Variants in GMDS observed in about 807,000 individuals in gnomAD.
GMDS encodes the protein GDP-mannose 4,6-dehydratase.
In GMDS, 20 loss-of-function variants were observed where a neutral mutation model predicts 49.9. The ratio of observed to expected loss-of-function variants is 0.40; its 90% CI spans 0.28 to 0.58. The LOEUF (loss-of-function observed/expected upper bound fraction) is 0.58, where lower values mean the gene tolerates loss of function less well. Among genes scored for constraint, GMDS ranks in the 20% least tolerant of loss-of-function variants. The pLI, the probability that GMDS is intolerant of heterozygous loss-of-function variation, is 0.42. For missense variants in GMDS, 362 were observed against 481.4 expected, an observed-to-expected ratio of 0.75 and a Z score of 2.32; for synonymous variants, 177 against 178.6, an observed-to-expected ratio of 0.99 and a Z score of 0.07.
intron 9 of GMDS, among the ~76,000 whole-genome samples, chr6:1,630,552 C>T (rs75735315): frequency 0.051 from 7,830 of 152,300 alleles, 266 homozygotes; most frequent in Admixed American, 0.1. Flanking sequence ...GCCAGCTGAG[C>T]AGAGGAAAGC....
At chr6:2,019,464 C>T (rs2127404114) in intron 4 of GMDS, among the ~76,000 whole-genome samples, 1 of 151,976 alleles carries the variant, frequency 6.6e-6, no homozygotes, top group East Asian at 1.9e-4. Flanking sequence ...TTTCAGGTTG[C>T]AGAAGTTCTC....
chr6:2,081,526 G>T (rs1772695359), intron 4 of GMDS, among the ~76,000 whole-genome samples: 1 of 151,996 alleles, frequency 6.6e-6, no homozygotes, highest in Non-Finnish European at 1.5e-5. Flanking sequence ...CTCATCATTT[G>T]AACTTACATT....
chr6:1,802,699 G>A (rs1769998735), intron 7 of GMDS, among the ~76,000 whole-genome samples: 1 of 152,206 alleles, frequency 6.6e-6, no homozygotes, highest in South Asian at 2.1e-4. Flanking sequence ...TGTTATGCGG[G>A]GAGGAGGGGG....
chr6:1,627,520 C>A (rs1762880092), intron 9 of GMDS, among the ~76,000 whole-genome samples: 1 of 152,198 alleles, frequency 6.6e-6, no homozygotes, highest in African/African-American at 2.4e-5. Context: ...TCCCTTTAAT[C>A]TTTACCTCCC....
At chr6:1,667,298 G>A (rs962646311) in intron 9 of GMDS, among the ~76,000 whole-genome samples, 1 of 152,112 alleles carries the variant, frequency 6.6e-6, no homozygotes, top group African/African-American at 2.4e-5. Flanking sequence ...ATCATAGCAG[G>A]CAAAATGCAG....
At chr6:1,691,408 C>G (rs1262351817) in intron 9 of GMDS, among the ~76,000 whole-genome samples, 1 of 152,038 alleles carries the variant, frequency 6.6e-6, no homozygotes, top group Admixed American at 6.6e-5. Context: ...TGCATGCTGG[C>G]CTTAATACTT....
At chr6:1,737,859 GCA>G (rs1767082622) in intron 8 of GMDS, among the ~76,000 whole-genome samples, 2 of 105,504 alleles carry the variant, frequency 1.9e-5, no homozygotes, top group East Asian at 6.0e-4. Flanking sequence ...GCACAGATAT[GCA>G]CACATACACA....
chr6:1,969,089 A>G lies in GMDS; in HGVS notation c.346-8123T>C, dbSNP rs1026843039. Among the ~76,000 whole-genome samples, 45 of 151,686 alleles carry G rather than the reference A, an allele frequency of 3.0e-4. No individual in the cohort carries two copies. In the South Asian group the frequency reaches 4.4e-3, roughly 15 times the overall value. On this transcript the variant is annotated intron_variant, in intron 4 of 10. Transcript: ENST00000380815. ...ATCCTGGCTAACACGGTGAAACCCC[A>G]TCTCTACTAAAAATACAAAAAAATT...
chr6:1,960,368 A>G (rs572500084), intron 5 of GMDS, among the ~76,000 whole-genome samples: 96 of 132,134 alleles, frequency 7.3e-4, no homozygotes, highest in African/African-American at 2.9e-3. Context: ...ATTAGACACA[A>G]TAGTCTTTTT....
chr6:2,055,254 GA>G (rs201815945), intron 4 of GMDS, among the ~76,000 whole-genome samples: 2 of 147,266 alleles, frequency 1.4e-5, no homozygotes, highest in South Asian at 2.1e-4. Context: ...TCCCAGAGAA[GA>G]AAAAAAAAGA....
intron 4 of GMDS, among the ~76,000 whole-genome samples, chr6:2,074,921 C>T (rs1313855539): frequency 3.9e-5 from 6 of 152,116 alleles, no homozygotes; most frequent in African/African-American, 1.2e-4. Context: ...CTAACGTATG[C>T]TCTTGGTGTC....
intron 4 of GMDS, 54 bp downstream of exon 4, chr6:2,115,717 A>C (rs1270972148): frequency 1.1e-6 from 1 of 917,988 alleles, no homozygotes; most frequent in African/African-American, 1.6e-5. Flanking sequence ...GACACAAGTA[A>C]AATACAGAAC....
chr6:2,010,965 G>T (rs1767522397), intron 4 of GMDS, among the ~76,000 whole-genome samples: 1 of 151,950 alleles, frequency 6.6e-6, no homozygotes, highest in Admixed American at 6.6e-5. Flanking sequence ...AAAATCTAGA[G>T]AAATTATTTT....
At position 1,975,037 on chromosome 6, in the gene GMDS, C is replaced by CAA. The variant is rs66488709; in HGVS notation, c.346-14073_346-14072dup. On this transcript the variant is annotated intron_variant, in intron 4 of 10. Coordinates refer to ENST00000380815, the MANE Select transcript of GMDS (RefSeq NM_001500.4). ...TGGGCAACAGAGTGAGACTCTGTCT[C>CAA]AAAAAAAAAACAAAACAAAACAGGG... Among the ~76,000 whole-genome samples, 1,444 of 145,900 alleles carry CAA rather than the reference C, an allele frequency of 9.9e-3. 18 individuals carry two copies. The highest frequency in any genetic ancestry group is 0.03 in the African/African-American group (1,201 of 39,388).
At chr6:2,240,067 G>T (rs1239681944) in intron 1 of GMDS, among the ~76,000 whole-genome samples, 1 of 152,176 alleles carries the variant, frequency 6.6e-6, no homozygotes, top group African/African-American at 2.4e-5. Flanking sequence ...GGAAGTCACT[G>T]CCTACAATCC....
chr6:2,013,925 CATATATATAT>C (rs10523956), intron 4 of GMDS, among the ~76,000 whole-genome samples: 2,592 of 125,098 alleles, frequency 0.021, 163 homozygotes, highest in African/African-American at 0.08. Context: ...GGATAAAAAC[CATATATATAT>C]ATATATATAT....
chr6:1,946,422 T>C (rs1376772731), intron 6 of GMDS, among the ~76,000 whole-genome samples: 1 of 152,176 alleles, frequency 6.6e-6, no homozygotes, highest in Non-Finnish European at 1.5e-5. Context: ...AACTACTTCA[T>C]CGTTTTATTA....
intron 1 of GMDS, among the ~76,000 whole-genome samples, chr6:2,133,322 G>A (rs1775839842): frequency 6.6e-6 from 1 of 152,156 alleles, no homozygotes; most frequent in South Asian, 2.1e-4. Flanking sequence ...AGGCAGGAAG[G>A]CAAAACAAAT....
chr6:1,888,134 ATTTTT>A (rs56167840), intron 7 of GMDS, among the ~76,000 whole-genome samples: 1 of 140,478 alleles, frequency 7.1e-6, no homozygotes, highest in Admixed American at 7.3e-5. Context: ...TATTATTATT[ATTTTT>A]TTTTTTTTTT....
Sources: allele counts gnomAD v4.1 joint callset (sites outside exome capture counted in the v4.1 genomes callset), GRCh38; gene constraint gnomAD v4.1.1; transcripts MANE v1.5; gene names NCBI Gene and HGNC (gene_info 2026-07-23, HGNC 2026-07-21).